The following SZT2 variants were observed in gnomAD, a reference collection of about 807,000 sequenced individuals.
SZT2 encodes the protein SZT2 subunit of KICSTOR complex.
A neutral mutation model predicts 404.2 loss-of-function variants in SZT2; 216 were observed. The ratio of observed to expected loss-of-function variants is 0.53; its 90% CI spans 0.48 to 0.60. The LOEUF (loss-of-function observed/expected upper bound fraction) is 0.60. Among genes scored for constraint, SZT2 ranks in the 20% least tolerant of loss-of-function variants. SZT2 has a pLI of 0.00. For missense variants in SZT2, 3,857 were observed against 4,459.2 expected (o/e 0.86, Z 3.85); for synonymous variants, 1,693 against 1,749.9 (o/e 0.97, Z 0.81).
chr1:43,434,469 G>C lies in SZT2; in HGVS notation c.5888G>C (p.Cys1963Ser). The change falls in exon 41 of 72, where the codon TGC (cysteine) becomes TCC (serine). Residue 1963 changes from cysteine (C) to serine (S), a missense_variant. Coordinates refer to ENST00000634258, the MANE Select transcript of SZT2 (RefSeq NM_001365999.1). ...QLLVRRVGEICREVNQRLLLQ... is the reference protein window; with the variant it reads ...QLLVRRVGEISREVNQRLLLQ... ...CTGGTGAGGCGAGTTGGGGAGATCT[G>C]CAGGGAGGTCAACCAGGTAAGGGGC... is the stretch of plus-strand genomic sequence containing the variant. 1 of 1,595,296 alleles carries C rather than the reference G, an allele frequency of 6.3e-7. No homozygotes were observed. Among genetic ancestry groups the C allele is most frequent in the East Asian group, 2.3e-5 (1 of 44,272 alleles).
intron 70 of SZT2, chr1:43,449,788 C>CA (rs1038787207): frequency 1.3e-5 from 6 of 473,944 alleles, no homozygotes; most frequent in African/African-American, 3.9e-5. Flanking sequence ...AGAGGAGTCC[C>CA]AGGACAGGAG....
At chr1:43,417,968 A>T (rs1349962128) in intron 7 of SZT2, among the ~76,000 whole-genome samples, 1 of 152,204 alleles carries the variant, frequency 6.6e-6, no homozygotes, top group East Asian at 1.9e-4. Flanking sequence ...ATTTTACTGG[A>T]TCTTTCTGCT....
chr1:43,403,356 T>C, intron 2 of SZT2, 54 bp downstream of exon 2: 2 of 1,579,934 alleles, frequency 1.3e-6, no homozygotes, highest in African/African-American at 2.7e-5. Context: ...GGATCTGTTT[T>C]TTAGGAGAGT....
intron 3 of SZT2, 108 bp from the exon 4 acceptor site, chr1:43,404,272 C>A: frequency 2.1e-6 from 2 of 932,088 alleles, no homozygotes; most frequent in Non-Finnish European, 3.3e-6. Context: ...TTTGGGTGTG[C>A]GATCATCCAT....
chr1:43,421,149 C>T (rs1652313087), intron 10 of SZT2, 25 bp from the exon 11 acceptor site: 1 of 1,597,880 alleles, frequency 6.3e-7, no homozygotes, highest in African/African-American at 1.3e-5. Context: ...TCAGATATGG[C>T]TCAGGCCTGG....
Position 43,437,648 on chromosome 1 carries a change from C to A in SZT2, c.6344C>A (p.Pro2115His). The change falls in exon 45 of 72, where the codon CCT becomes CAT. Residue 2115 changes from proline (P) to histidine (H), a missense_variant. Physicochemically the swap from Pro to His is moderately conservative, Grantham distance 77. Coordinates refer to ENST00000634258, the MANE Select transcript of SZT2 (RefSeq NM_001365999.1). This position sits in a 1 kb window ranked among gnomAD's most constrained non-coding sequence, Gnocchi z 5.3. ...CCATGGAAAGGGGATGCGCTGCCCC[C>A]TTCCCTCGCTCTGTCCCGAAGCCAA... ...DRPWKGDALP[P>H]SLALSRSQEP... 6.2e-7 allele frequency: 1 copy of A among 1,614,128 alleles called. No individual in the cohort carries two copies. The highest frequency in any genetic ancestry group is 1.1e-5 in the South Asian group (1 of 91,072).
Position 43,416,551 on chromosome 1 carries a change from G to A in SZT2, c.789G>A (p.Thr263=), listed in dbSNP as rs1371050059. 6.9e-6 allele frequency: 11 copies of A among 1,598,120 alleles called. No homozygotes were observed. The highest frequency in any genetic ancestry group is 2.2e-5 in the South Asian group (2 of 91,014). The part of the protein sequence containing the change: ...SNSSAGIIVI[T]DGVTSVPDVA... Reference sequence around the variant, plus strand: ...CTGCTCCAGGGATTATCGTGATCACGGATGGGGTGACCAGTGTACCTGATG... The same window carrying A: ...CTGCTCCAGGGATTATCGTGATCACAGATGGGGTGACCAGTGTACCTGATG... The change falls in exon 7 of 72, where the codon ACG becomes ACA. Residue 263 remains threonine, a synonymous_variant. Transcript: ENST00000634258.
chr1:43,398,190 T>A (rs887014957), intron 1 of SZT2, among the ~76,000 whole-genome samples: 1 of 152,366 alleles, frequency 6.6e-6, no homozygotes, highest in East Asian at 1.9e-4. Flanking sequence ...GTTAAGGTGA[T>A]CTCATCTTGA....
chr1:43,431,981 T>C (rs1653947373), intron 36 of SZT2, 80 bp downstream of exon 36: 1 of 1,517,960 alleles, frequency 6.6e-7, no homozygotes, highest in East Asian at 2.3e-5. Context: ...TGGAAGGCCC[T>C]CTGTTAGTTC....
chr1:43,420,409 A>G lies in SZT2; in HGVS notation c.1261+86A>G. The G allele has an allele frequency of 7.0e-7, 1 of 1,426,692 alleles. No individual in the cohort carries two copies. The highest frequency in any genetic ancestry group is 2.5e-5 in the East Asian group (1 of 40,058). 88.4% of individuals were successfully genotyped at this position (1,426,692 alleles called of 1,614,324 possible). A position where few individuals can be genotyped will look rare whatever the true frequency, so the allele number is the denominator to read the frequency against. ...GACCCACATGTATCACACATGAAAG[A>G]GTGTCACATTGAAGTCCTTATCACT... On this transcript the variant is annotated intron_variant, in intron 9 of 71. Transcript: ENST00000634258. The surrounding 1 kb of genome is among the most constrained non-coding windows in gnomAD (Gnocchi z 5.1).
Position 43,430,020 on chromosome 1 carries a change from C to T in SZT2, c.4318C>T (p.Leu1440=), listed in dbSNP as rs750043480. 49 of 1,614,022 alleles carry T rather than the reference C, an allele frequency of 3.0e-5. No homozygotes were observed. Among genetic ancestry groups the T allele is most frequent in the Non-Finnish European group, 3.9e-5 (46 of 1,180,010 alleles). Residue 1440 remains leucine (L), a synonymous_variant, in exon 30 of 72, where the codon CTA becomes TTA. Transcript: ENST00000634258. ...CTAAACCCCACAACAGGAGAAGTTCCTAGAGATCAGTCGTCTCCACTTCCG... is the reference window on the plus strand; with the variant it reads ...CTAAACCCCACAACAGGAGAAGTTCTTAGAGATCAGTCGTCTCCACTTCCG... ...ALHSVIQEKF[L]EISRLHFRTV...
At position 43,427,528 on chromosome 1, in the gene SZT2, A is replaced by G. The variant is rs746088702; in HGVS notation, c.3599-2A>G. The G allele has an allele frequency of 6.2e-7, 1 of 1,614,226 alleles. No homozygotes were observed. Among genetic ancestry groups the G allele is most frequent in the Non-Finnish European group, 8.5e-7 (1 of 1,180,008 alleles). ...AGACCACGTGACACCTTTTCTTCAC[A>G]GACAATGCCCAGAATCAAGGAGAGC... On this transcript the variant is annotated splice_acceptor_variant, in intron 25 of 71. Transcript: ENST00000634258. LOFTEE classifies it high-confidence loss of function.
intron 41 of SZT2, 29 bp downstream of exon 41, chr1:43,434,514 C>T (rs41270355): frequency 0.026 from 40,044 of 1,552,770 alleles, 574 homozygotes; most frequent in Non-Finnish European, 0.029. Context: ...CAGACCCGGA[C>T]ACACAGAGCA....
intron 4 of SZT2, among the ~76,000 whole-genome samples, chr1:43,410,766 A>G (rs1020180468): frequency 3.3e-5 from 5 of 152,092 alleles, no homozygotes; most frequent in African/African-American, 1.2e-4. Context: ...TCACAAAACA[A>G]AGGAAACAAA....
chr1:43,400,379 C>T (rs1208517198), intron 1 of SZT2, among the ~76,000 whole-genome samples: 1 of 152,202 alleles, frequency 6.6e-6, no homozygotes, highest in Non-Finnish European at 1.5e-5. Flanking sequence ...CTTTTCATGA[C>T]TTAAAATCTC....
In SZT2 at chr1:43,428,691, C is replaced by T. The variant is rs546954029; in HGVS notation, c.4166+205C>T. ...AGCAGTCTCCCTCCCAGGCTCTCCC[C>T]ATCTCCCCTGCTTTGGTGTTGAGTG... On this transcript the variant is annotated intron_variant, in intron 28 of 71. Coordinates refer to ENST00000634258, the MANE Select transcript of SZT2 (RefSeq NM_001365999.1). The T allele has an allele frequency of 6.3e-5, 40 of 633,314 alleles. No individual in the cohort carries two copies. The East Asian group carries it at 8.1e-4, about 13-fold the overall frequency. 39.2% of individuals were successfully genotyped at this position (633,314 alleles called of 1,614,324 possible).
In SZT2 at chr1:43,442,099, C is replaced by A. The variant is rs770526016; in HGVS notation, c.7842C>A (p.Asn2614Lys). Residue 2614 changes from asparagine (N) to lysine (K), a missense_variant, in exon 56 of 72, where the codon AAC becomes AAA. Asn to Lys is a moderately conservative substitution (Grantham distance 94). Around this residue, in one of 7 missense-constraint regions of SZT2, gnomAD observed 573 missense variants for 592.4 expected, o/e 0.97. Transcript: ENST00000634258. The surrounding 1 kb of genome is among the most constrained non-coding windows in gnomAD (Gnocchi z 4.5). The stretch of plus-strand genomic sequence containing the variant: ...GGCATCTGCTGCTTCTGGGAAGGAA[C>A]TTCTTGCAGTGGAGGAGACCAACAC... ...AERHLLLLGRNFLQWRRPTQQ... is the reference protein window; with the variant it reads ...AERHLLLLGRKFLQWRRPTQQ... 6.2e-7 allele frequency: 1 copy of A among 1,613,758 alleles called. No individual in the cohort carries two copies. Among genetic ancestry groups the A allele is most frequent in the Non-Finnish European group, 8.5e-7 (1 of 1,179,944 alleles).
Position 43,431,470 on chromosome 1 carries a change from C to G in SZT2, c.5035C>G (p.Leu1679Val), listed in dbSNP as rs1653868251. 2 of 1,614,054 alleles carry G rather than the reference C, an allele frequency of 1.2e-6. No homozygotes were observed. Among genetic ancestry groups the G allele is most frequent in the African/African-American group, 1.3e-5 (1 of 74,904 alleles). Residue 1679 changes from leucine to valine, a missense_variant, in exon 35 of 72, where the codon CTA (leucine) becomes GTA (valine). By Grantham distance (32) the Leu-to-Val change is conservative. Around this residue, in one of 7 missense-constraint regions of SZT2, gnomAD observed 1,725 missense variants for 1,881.0 expected, o/e 0.92. Transcript: ENST00000634258. ...CTTTCTTCCAATTAGGCACCCAGGA[C>G]TATCCAATTTGGCCACGCCCCACAG... ...PPPEEERHPG[L>V]SNLATPHRLA...
intron 46 of SZT2, 27 bp from the exon 47 acceptor site, chr1:43,438,672 C>G (rs2153935243): frequency 6.2e-7 from 1 of 1,606,784 alleles, no homozygotes; most frequent in Non-Finnish European, 8.5e-7. Context: ...ACCAGTGTCC[C>G]CACCTTCCCA....
Sources: allele counts gnomAD v4.1 joint callset (sites outside exome capture counted in the v4.1 genomes callset), GRCh38; gene constraint gnomAD v4.1.1; regional missense constraint gnomAD v4.1.1; non-coding constraint Gnocchi (gnomAD v3.1); transcripts MANE v1.5; gene names NCBI Gene and HGNC (gene_info 2026-07-23, HGNC 2026-07-21).